The following PHC3 variants were observed in gnomAD, a reference collection of about 807,000 sequenced individuals.
PHC3 encodes polyhomeotic-like protein 3.
PHC3 carries 13 observed loss-of-function variants against 107.4 expected under a neutral mutation model. That is an observed-to-expected ratio of 0.12 (90% CI 0.08 to 0.19). PHC3 has a LOEUF of 0.19. Among genes scored for constraint, PHC3 ranks in the 10% least tolerant of loss-of-function variants. PHC3 has a pLI of 1.00. For synonymous variants in PHC3, 456 were observed against 427.4 expected (o/e 1.07, Z -0.83); for missense variants, 992 against 1,210.9 (o/e 0.82, Z 2.68).
At position 170,090,634 on chromosome 3, in the gene PHC3, T is replaced by TATA. The variant is rs1360770348; in HGVS notation, c.*6595_*6596insTAT. The TATA allele has an allele frequency of 2.6e-5, 4 of 152,128 alleles. No homozygotes were observed. Among genetic ancestry groups the TATA allele is most frequent in the African/African-American group, 9.7e-5 (4 of 41,410 alleles). The allele number at this position is 152,128 out of a possible 1,614,324, so 9.4% of individuals were successfully genotyped here. ...TGAACCCTTAAAAAAGGAAAGAGAA[T>TATA]AAAGTAGGAATAACCCCATTACACA... On this transcript the variant is annotated 3_prime_UTR_variant, in exon 15 of 15. Coordinates refer to ENST00000495893, the MANE Select transcript of PHC3 (RefSeq NM_024947.4).
At chr3:170,179,393 T>C (rs1731032929) in intron 1 of PHC3, among the ~76,000 whole-genome samples, 1 of 152,244 alleles carries the variant, frequency 6.6e-6, no homozygotes, top group Non-Finnish European at 1.5e-5. Flanking sequence ...GGGACTCATG[T>C]TAACTAGCTT....
intron 14 of PHC3, among the ~76,000 whole-genome samples, chr3:170,101,123 C>T (rs1478799385): frequency 6.6e-6 from 1 of 152,216 alleles, no homozygotes; most frequent in Admixed American, 6.6e-5. Context: ...CAGTTTAAAA[C>T]AGATTCTAAA....
At chr3:170,173,680 G>A (rs186234406) in intron 2 of PHC3, among the ~76,000 whole-genome samples, 3 of 152,056 alleles carry the variant, frequency 2.0e-5, no homozygotes, top group African/African-American at 4.8e-5. Context: ...TGCTGATACC[G>A]ATCTATATTT....
chr3:170,144,825 C>T (rs1724691839), intron 6 of PHC3, among the ~76,000 whole-genome samples: 1 of 152,192 alleles, frequency 6.6e-6, no homozygotes, highest in African/African-American at 2.4e-5. Context: ...CCTGCCTCAG[C>T]CTCCTGAAAA....
chr3:170,147,138 G>C (rs1012979466), intron 5 of PHC3: 1 of 152,082 alleles, frequency 6.6e-6, no homozygotes, highest in Admixed American at 6.6e-5. Flanking sequence ...CCAAAGTGCT[G>C]GGATTACAGG....
At chr3:170,163,861 CAAAAAAAAAA>C (rs200514068) in intron 4 of PHC3, among the ~76,000 whole-genome samples, 38,080 of 86,344 alleles carry the variant, frequency 0.44, 5,746 homozygotes, top group East Asian at 0.6. Flanking sequence ...AGACTCTGTC[CAAAAAAAAAA>C]AAAAAAAAAA....
chr3:170,136,025 CA>C (rs1386625678), intron 7 of PHC3, among the ~76,000 whole-genome samples: 1 of 152,134 alleles, frequency 6.6e-6, no homozygotes, highest in African/African-American at 2.4e-5. Flanking sequence ...TTCAAAGTGA[CA>C]AATTTCTCCC....
chr3:170,113,282 G>A lies in PHC3; in HGVS notation c.2353+78C>T, dbSNP rs984264633. 7 of 1,374,780 alleles carry A rather than the reference G, an allele frequency of 5.1e-6. No homozygotes were observed. In the East Asian group the frequency reaches 1.7e-4, roughly 33 times the overall value. The allele number at this position is 1,374,780 out of a possible 1,614,324, so 85.2% of individuals were successfully genotyped here. ...AATACTTCCAGTGAAATTCTGTACA[G>A]AATAAAAATCCACATCCTGTTTTAA... On this transcript the variant is annotated intron_variant, in intron 11 of 14. Coordinates refer to ENST00000495893, the MANE Select transcript of PHC3 (RefSeq NM_024947.4).
chr3:170,165,056 C>G (rs895212103), intron 4 of PHC3, among the ~76,000 whole-genome samples: 15 of 152,124 alleles, frequency 9.9e-5, no homozygotes, highest in African/African-American at 3.1e-4. Flanking sequence ...CAGTGGAGAC[C>G]ATGTGGGGAG....
intron 10 of PHC3, among the ~76,000 whole-genome samples, chr3:170,114,463 G>A (rs927801238): frequency 5.9e-5 from 9 of 152,110 alleles, no homozygotes; most frequent in African/African-American, 1.4e-4. Flanking sequence ...GTATTTTCTG[G>A]ATAAGAAAAC....
intron 12 of PHC3, among the ~76,000 whole-genome samples, chr3:170,103,477 T>C (rs573299679): frequency 7.9e-5 from 12 of 152,330 alleles, no homozygotes; most frequent in East Asian, 7.7e-4. Context: ...AAGGAATTCA[T>C]TGCTCTCACT....
At chr3:170,149,858 C>T (rs1725618385) in intron 4 of PHC3, 1 of 152,210 alleles carries the variant, frequency 6.6e-6, no homozygotes, top group African/African-American at 2.4e-5. Flanking sequence ...CTCACTTCCG[C>T]AGCACATATA....
chr3:170,155,282 A>G lies in PHC3; in HGVS notation c.415-6038T>C, dbSNP rs75989400. 1.5e-4 allele frequency among the ~76,000 whole-genome samples: 23 copies of G among 152,364 alleles called. No homozygotes were observed. The East Asian group carries it at 4.0e-3, about 27-fold the overall frequency. The stretch of plus-strand genomic sequence containing the variant: ...ATAGAGAAACATTTCACATTAAAAG[A>G]ATGATGTATCTGTATTCAGTGGCAT... On this transcript the variant is annotated intron_variant, in intron 4 of 14. Transcript: ENST00000495893.
rs1721864430 is a variant in PHC3, at chr3:170,129,276, T to C, written c.1196A>G (p.Asn399Ser). ...AGACTGCTGTGCTGACTGTGACTGA[T>C]TAGGAGACACTGTTAAAGGAGAGGG... ...SHPSPLTVSP[N>S]QSQSAQQSVV... Residue 399 changes from asparagine (N) to serine (S), a missense_variant, in exon 8 of 15, where the codon AAT (asparagine) becomes AGT (serine). Around this residue, in one of 6 missense-constraint regions of PHC3, gnomAD observed 543 missense variants for 590.8 expected, o/e 0.92. Transcript: ENST00000495893. 6.2e-7 allele frequency: 1 copy of C among 1,613,824 alleles called. No homozygotes were observed. The highest frequency in any genetic ancestry group is 8.5e-7 in the Non-Finnish European group (1 of 1,179,818).
chr3:170,112,487 T>C (rs1366845361), intron 11 of PHC3, among the ~76,000 whole-genome samples: 1 of 150,484 alleles, frequency 6.6e-6, no homozygotes, highest in Non-Finnish European at 1.5e-5. Flanking sequence ...CCTCCCAAAG[T>C]GCTGGGATTA....
intron 4 of PHC3, chr3:170,169,993 T>C (rs1729342388): frequency 2.0e-5 from 3 of 151,472 alleles, no homozygotes; most frequent in African/African-American, 4.9e-5. Context: ...CTTCAAGTCA[T>C]AGGGAACTTT....
chr3:170,124,338 T>C (rs2108434014), intron 8 of PHC3, among the ~76,000 whole-genome samples: 1 of 152,312 alleles, frequency 6.6e-6, no homozygotes, highest in South Asian at 2.1e-4. Flanking sequence ...TTACAAAAAT[T>C]ATGAGTTTTT....
At chr3:170,134,782 A>C (rs764554109) in intron 7 of PHC3, among the ~76,000 whole-genome samples, 4 of 152,240 alleles carry the variant, frequency 2.6e-5, no homozygotes, top group Non-Finnish European at 5.9e-5. Flanking sequence ...AGTGCCTCAC[A>C]CATACATAAA....
chr3:170,117,595 TC>T, intron 9 of PHC3, 119 bp from the exon 10 acceptor site: 2 of 1,012,270 alleles, frequency 2.0e-6, no homozygotes, highest in Non-Finnish European at 2.8e-6. Context: ...CAAAAACTGT[TC>T]TAAGAACCTT....
Sources: gnomAD v4.1 joint callset for allele counts (sites outside exome capture counted in the v4.1 genomes callset) on GRCh38, gnomAD v4.1.1 for gene constraint, gnomAD v4.1.1 regional missense constraint, MANE v1.5 for transcripts, NCBI Gene and HGNC (gene_info 2026-07-23, HGNC 2026-07-21) for gene names.